Variants in FOXP2 observed in about 807,000 individuals in gnomAD.
FOXP2 encodes forkhead box protein P2.
FOXP2 carries 12 observed loss-of-function variants against 115.8 expected under a neutral mutation model. The observed-to-expected ratio is 0.10, with a 90% confidence interval of 0.07 to 0.17. The LOEUF (loss-of-function observed/expected upper bound fraction) is 0.17. Ranked by LOEUF, FOXP2 falls within the 10% of genes least tolerant of loss-of-function variation. The pLI, the probability that FOXP2 is intolerant of heterozygous loss-of-function variation, is 1.00. For synonymous variants in FOXP2, 328 were observed against 297.7 expected (o/e 1.10, Z -1.05); for missense variants, 629 against 843.5 (o/e 0.75, Z 3.15).
In FOXP2 at chr7:114,693,389, G is replaced by A. The variant is rs527668023; in HGVS notation, c.*3463G>A. ...ACTTTAATGTCCCTGGGCAGATTCA[G>A]TCGCAAAATCCAATATGATATTTTG... On this transcript the variant is annotated 3_prime_UTR_variant, in exon 17 of 17. Transcript: ENST00000350908. 1 of 453,794 alleles carries A rather than the reference G, an allele frequency of 2.2e-6. No individual in the cohort carries two copies. Among genetic ancestry groups the A allele is most frequent in the East Asian group, 6.9e-5 (1 of 14,398 alleles). The allele number at this position is 453,794 out of a possible 1,614,324, so 28.1% of individuals were successfully genotyped here. A position where few individuals can be genotyped will look rare whatever the true frequency, so the allele number is the denominator to read the frequency against.
At chr7:114,247,640 T>G (rs1352827330) in intron 1 of FOXP2, among the ~76,000 whole-genome samples, 2 of 152,202 alleles carry the variant, frequency 1.3e-5, no homozygotes, top group Non-Finnish European at 2.9e-5. Flanking sequence ...AGCATGTTTT[T>G]AACGTAGTAT....
chr7:114,148,510 C>T (rs1398746536), intron 1 of FOXP2, among the ~76,000 whole-genome samples: 2 of 152,030 alleles, frequency 1.3e-5, no homozygotes, highest in East Asian at 1.9e-4. Context: ...CCCAAATGCT[C>T]GTATTAATAA....
At chr7:114,152,153 A>C (rs1413078898) in intron 1 of FOXP2, among the ~76,000 whole-genome samples, 2 of 152,198 alleles carry the variant, frequency 1.3e-5, no homozygotes, top group African/African-American at 4.8e-5. Flanking sequence ...ATAAAATAAT[A>C]GTATAATTAA....
chr7:114,134,370 T>C (rs1791970575), intron 1 of FOXP2, among the ~76,000 whole-genome samples: 1 of 152,188 alleles, frequency 6.6e-6, no homozygotes, highest in Non-Finnish European at 1.5e-5. Context: ...ATGGATTTTT[T>C]GAATAAAATT....
At position 114,574,146 on chromosome 7, in the gene FOXP2, G is replaced by A. The variant is rs549044932; in HGVS notation, c.258+39440G>A. Among the ~76,000 whole-genome samples the A allele has an allele frequency of 5.9e-5, 9 of 151,672 alleles. No homozygotes were observed. In the South Asian group the frequency reaches 1.9e-3, roughly 32 times the overall value. ...TTCATTGCAATACTGGGCAGTAATT[G>A]TATGCACTTATCTTTATGTGAAAAT... On this transcript the variant is annotated intron_variant, in intron 3 of 16. Coordinates refer to ENST00000350908, the MANE Select transcript of FOXP2 (RefSeq NM_014491.4).
At chr7:114,525,740 TC>T in intron 2 of FOXP2, among the ~76,000 whole-genome samples, 1 of 152,238 alleles carries the variant, frequency 6.6e-6, no homozygotes, top group Middle Eastern at 3.4e-3. Context: ...TCCCCATAAG[TC>T]TATCACCTAC....
intron 2 of FOXP2, among the ~76,000 whole-genome samples, chr7:114,399,653 C>T (rs901651716): frequency 3.3e-5 from 5 of 152,006 alleles, no homozygotes; most frequent in African/African-American, 1.2e-4. Context: ...AGAAGACAGA[C>T]GTTCCTGACT....
chr7:114,352,640 T>G (rs1791521118), intron 2 of FOXP2, among the ~76,000 whole-genome samples: 1 of 152,126 alleles, frequency 6.6e-6, no homozygotes, highest in Admixed American at 6.6e-5. Flanking sequence ...CTCCTTAGCT[T>G]GTAGTGTGTT....
intron 3 of FOXP2, among the ~76,000 whole-genome samples, chr7:114,614,546 T>A (rs1803823216): frequency 6.6e-6 from 1 of 152,162 alleles, no homozygotes; most frequent in Non-Finnish European, 1.5e-5. Flanking sequence ...GGACTCTGGG[T>A]TTTGTCTCAT....
chr7:114,475,232 A>G (rs1263675657), intron 2 of FOXP2, among the ~76,000 whole-genome samples: 1 of 152,084 alleles, frequency 6.6e-6, no homozygotes, highest in Non-Finnish European at 1.5e-5. Context: ...AATTTTTAAA[A>G]ATATTTTAAT....
chr7:114,229,482 T>C (rs931964365), intron 1 of FOXP2, among the ~76,000 whole-genome samples: 2 of 151,644 alleles, frequency 1.3e-5, no homozygotes, highest in Non-Finnish European at 3.0e-5. Flanking sequence ...ATTCTTCAGA[T>C]AGATCATGTG....
chr7:114,296,494 T>A (rs931926151), intron 2 of FOXP2, among the ~76,000 whole-genome samples: 41 of 127,644 alleles, frequency 3.2e-4, no homozygotes, highest in African/African-American at 1.5e-3. Context: ...CCTGTGGAGT[T>A]TTTTTTTTCT....
intron 1 of FOXP2, among the ~76,000 whole-genome samples, chr7:114,422,499 TAGAC>T (rs1324960780): frequency 6.6e-6 from 1 of 151,698 alleles, no homozygotes; most frequent in Non-Finnish European, 1.5e-5. Context: ...CTGACATACA[TAGAC>T]AGATTGATTG....
chr7:114,403,911 A>G (rs1792953295), intron 2 of FOXP2, among the ~76,000 whole-genome samples: 1 of 152,134 alleles, frequency 6.6e-6, no homozygotes, highest in African/African-American at 2.4e-5. Context: ...CATACCTCTT[A>G]CTTGCCAGTA....
chr7:114,621,282 CTT>C (rs1362741732), intron 3 of FOXP2, among the ~76,000 whole-genome samples: 34 of 152,002 alleles, frequency 2.2e-4, no homozygotes, highest in African/African-American at 8.0e-4. Context: ...GGATAGGTAA[CTT>C]AAGAATATTT....
intron 2 of FOXP2, among the ~76,000 whole-genome samples, chr7:114,504,302 T>G (rs1434605083): frequency 6.6e-6 from 1 of 151,618 alleles, no homozygotes; most frequent in African/African-American, 2.4e-5. Context: ...TTGCCCTACT[T>G]ACAATGAACA....
At chr7:114,436,735 A>G (rs1236939158) in intron 2 of FOXP2, among the ~76,000 whole-genome samples, 1 of 151,966 alleles carries the variant, frequency 6.6e-6, no homozygotes, top group Non-Finnish European at 1.5e-5. Flanking sequence ...TTCAAAGGAT[A>G]TATAAACGTT....
At chr7:114,533,733 G>C (rs893396498) in intron 2 of FOXP2, among the ~76,000 whole-genome samples, 2 of 151,884 alleles carry the variant, frequency 1.3e-5, no homozygotes, top group South Asian at 4.1e-4. Flanking sequence ...TTTTTTAAGA[G>C]ACTCTTAAAA....
chr7:114,373,412 A>T (rs939356592), intron 2 of FOXP2, among the ~76,000 whole-genome samples: 2 of 152,198 alleles, frequency 1.3e-5, no homozygotes, highest in Admixed American at 6.5e-5. Context: ...GTAATCCAAC[A>T]CAGCCTGTCC....
Sources: allele counts gnomAD v4.1 joint callset (sites outside exome capture counted in the v4.1 genomes callset), GRCh38; gene constraint gnomAD v4.1.1; transcripts MANE v1.5; gene names NCBI Gene and HGNC (gene_info 2026-07-23, HGNC 2026-07-21).